IL1RAPL1: variants seen among roughly 807,000 people sequenced by gnomAD.
IL1RAPL1 encodes the protein interleukin-1 receptor accessory protein-like 1.
A neutral mutation model predicts 48.4 loss-of-function variants in IL1RAPL1; 3 were observed. The ratio of observed to expected loss-of-function variants is 0.06; its 90% CI spans 0.03 to 0.16. IL1RAPL1 has a LOEUF of 0.16. IL1RAPL1 is among the 10% of genes least tolerant of loss of function. The pLI is 1.00. For missense variants in IL1RAPL1, 349 were observed against 530.6 expected, an observed-to-expected ratio of 0.66 and a Z score of 3.36; for synonymous variants, 185 against 187.7, an observed-to-expected ratio of 0.99 and a Z score of 0.12.
chrX:28,679,909 C>G (rs1488373760), intron 1 of IL1RAPL1, among the ~76,000 whole-genome samples: 1 of 111,476 alleles, frequency 9.0e-6, no homozygotes. Context: ...CAGTTTTAAT[C>G]TTCTTGCTCA....
At chrX:29,710,350 T>C (rs1927304763) in intron 6 of IL1RAPL1, among the ~76,000 whole-genome samples, 1 of 79,590 alleles carries the variant, frequency 1.3e-5, no homozygotes, top group Non-Finnish European at 2.4e-5. Context: ...ATCTACTTTG[T>C]TGAGTTTTTT....
intron 2 of IL1RAPL1, among the ~76,000 whole-genome samples, chrX:29,242,614 C>A (rs1467139160): frequency 8.9e-6 from 1 of 112,120 alleles, no homozygotes; most frequent in African/African-American, 3.2e-5. Context: ...ATAAAGGCTA[C>A]CAAGGATAAT....
intron 1 of IL1RAPL1, among the ~76,000 whole-genome samples, chrX:28,699,089 T>G (rs981433915): frequency 4.5e-5 from 5 of 112,334 alleles, no homozygotes; most frequent in African/African-American, 1.6e-4. Flanking sequence ...TTCTTTCATC[T>G]TAAGTCACTA....
At chrX:28,916,493 A>G (rs1923492974) in intron 2 of IL1RAPL1, among the ~76,000 whole-genome samples, 1 of 112,522 alleles carries the variant, frequency 8.9e-6, no homozygotes, top group African/African-American at 3.2e-5. Context: ...AGCCCAGAAT[A>G]GCTGTGTATT....
chrX:28,653,008 G>T (rs1034071771), intron 1 of IL1RAPL1, among the ~76,000 whole-genome samples: 2 of 111,475 alleles, frequency 1.8e-5, no homozygotes, highest in Admixed American at 1.9e-4. Context: ...GAAGACACGC[G>T]CAGGTAGAGC....
chrX:29,804,198 A>G (rs186270189), intron 6 of IL1RAPL1, among the ~76,000 whole-genome samples: 1 of 111,811 alleles, frequency 8.9e-6, no homozygotes, highest in East Asian at 2.8e-4. Context: ...TGGAATGTGC[A>G]TAAAATCCCC....
chrX:29,045,663 C>A (rs896401481), intron 2 of IL1RAPL1, among the ~76,000 whole-genome samples: 1 of 111,036 alleles, frequency 9.0e-6, no homozygotes, highest in African/African-American at 3.3e-5. Context: ...AAGACTGGGT[C>A]ACCTCAGCCT....
intron 5 of IL1RAPL1, among the ~76,000 whole-genome samples, chrX:29,549,874 T>A (rs967123140): frequency 8.9e-6 from 1 of 112,030 alleles, no homozygotes; most frequent in African/African-American, 3.2e-5. Flanking sequence ...AAACCCCATA[T>A]TTCAGCTTAT....
At chrX:29,421,243 CAAAAAGG>C (rs1206563374) in intron 5 of IL1RAPL1, among the ~76,000 whole-genome samples, 2 of 110,756 alleles carry the variant, frequency 1.8e-5, no homozygotes, top group African/African-American at 3.3e-5. Flanking sequence ...ATTTATTGGG[CAAAAAGG>C]AAAAAGGAAA....
At chrX:29,549,505 T>G (rs1232385158) in intron 5 of IL1RAPL1, among the ~76,000 whole-genome samples, 1 of 112,160 alleles carries the variant, frequency 8.9e-6, no homozygotes, top group Non-Finnish European at 1.9e-5. Context: ...TTTTATCATA[T>G]GTACATATGT....
intron 3 of IL1RAPL1, among the ~76,000 whole-genome samples, chrX:29,380,593 T>G (rs1291285598): frequency 8.9e-6 from 1 of 112,232 alleles, no homozygotes; most frequent in Non-Finnish European, 1.9e-5. Flanking sequence ...GGATTTACCT[T>G]CAAGGTTTTT....
At chrX:28,881,267 G>C (rs917933436) in intron 2 of IL1RAPL1, among the ~76,000 whole-genome samples, 2 of 112,267 alleles carry the variant, frequency 1.8e-5, no homozygotes, top group African/African-American at 6.5e-5. Flanking sequence ...CTGATTGCTG[G>C]CAGGAAATGT....
chrX:29,464,408 A>G (rs910542672), intron 5 of IL1RAPL1, among the ~76,000 whole-genome samples: 11 of 111,820 alleles, frequency 9.8e-5, no homozygotes, highest in Admixed American at 2.9e-4. Context: ...CTGGAAAGAT[A>G]AGACATAAAG....
intron 2 of IL1RAPL1, among the ~76,000 whole-genome samples, chrX:28,952,441 C>T (rs1362032120): frequency 9.0e-6 from 1 of 111,616 alleles, no homozygotes; most frequent in African/African-American, 3.2e-5. Flanking sequence ...CCTTCTTAAT[C>T]TACTTAAAAC....
At chrX:28,783,192 A>G (rs1936440846) in intron 1 of IL1RAPL1, among the ~76,000 whole-genome samples, 1 of 111,546 alleles carries the variant, frequency 9.0e-6, no homozygotes, top group South Asian at 3.8e-4. Flanking sequence ...GACATTCCAC[A>G]GCATTTTGTG....
At chrX:29,702,471 T>G (rs1927080695) in intron 6 of IL1RAPL1, among the ~76,000 whole-genome samples, 1 of 111,321 alleles carries the variant, frequency 9.0e-6, no homozygotes, top group Non-Finnish European at 1.9e-5. Flanking sequence ...AAGAATAGTT[T>G]TGCCATTATG....
intron 3 of IL1RAPL1, among the ~76,000 whole-genome samples, chrX:29,294,518 GAAAAA>G (rs764285236): frequency 1.5e-5 from 1 of 68,510 alleles, no homozygotes; most frequent in Admixed American, 1.7e-4. Flanking sequence ...CTCCATCTCA[GAAAAA>G]AAAAAAAAAA....
chrX:29,079,435 G>A (rs752795372), intron 2 of IL1RAPL1, among the ~76,000 whole-genome samples: 12 of 110,467 alleles, frequency 1.1e-4, no homozygotes, highest in East Asian at 5.7e-4. Flanking sequence ...TCACTTTTCC[G>A]GGGGACACCA....
At chrX:29,008,760 A>T (rs1926051376) in intron 2 of IL1RAPL1, among the ~76,000 whole-genome samples, 1 of 110,291 alleles carries the variant, frequency 9.1e-6, no homozygotes, top group Non-Finnish European at 1.9e-5. Flanking sequence ...AGTAAGAATG[A>T]TCTCATCACT....
Sources: allele counts gnomAD v4.1 joint callset (sites outside exome capture counted in the v4.1 genomes callset), GRCh38; gene constraint gnomAD v4.1.1; transcripts MANE v1.5; gene names NCBI Gene and HGNC (gene_info 2026-07-23, HGNC 2026-07-21).